TMEM132B: variants seen among roughly 807,000 people sequenced by gnomAD.
TMEM132B encodes the protein transmembrane protein 132B.
A neutral mutation model predicts 90.8 loss-of-function variants in TMEM132B; 18 were observed. That is an observed-to-expected ratio of 0.20 (90% CI 0.14 to 0.29). TMEM132B has a LOEUF of 0.29. Among genes scored for constraint, TMEM132B ranks in the 10% least tolerant of loss-of-function variants. The probability of loss-of-function intolerance (pLI) is 1.00; values close to 1 mark genes in which losing one functional copy is unlikely to be tolerated. For missense variants in TMEM132B, 1,096 were observed against 1,326.8 expected (o/e 0.83, Z 2.70); for synonymous variants, 504 against 523.3 (o/e 0.96, Z 0.50).
At chr12:125,192,991 G>A (rs895129576) in intron 1 of TMEM132B, among the ~76,000 whole-genome samples, 4 of 152,136 alleles carry the variant, frequency 2.6e-5, no homozygotes, top group South Asian at 2.1e-4. Context: ...AAACAACAAC[G>A]GCGTGCTGAT....
chr12:125,550,512 T>G (rs1338273638), intron 4 of TMEM132B, among the ~76,000 whole-genome samples: 1 of 152,208 alleles, frequency 6.6e-6, no homozygotes, highest in Non-Finnish European at 1.5e-5. Flanking sequence ...CATAGATAGT[T>G]AGGTACTAAC....
At chr12:125,639,144 C>CA (rs569803909) in intron 5 of TMEM132B, among the ~76,000 whole-genome samples, 1 of 152,260 alleles carries the variant, frequency 6.6e-6, no homozygotes, top group South Asian at 2.1e-4. Flanking sequence ...GTCATCCTGT[C>CA]ATCTCCCCAC....
chr12:125,439,208 G>A (rs1252650444), intron 3 of TMEM132B, among the ~76,000 whole-genome samples: 1 of 151,920 alleles, frequency 6.6e-6, no homozygotes, highest in Admixed American at 6.6e-5. Flanking sequence ...GAAGAATGTG[G>A]TTTGATAGGA....
At chr12:125,324,705 C>T (rs1876515829) in intron 1 of TMEM132B, among the ~76,000 whole-genome samples, 1 of 152,202 alleles carries the variant, frequency 6.6e-6, no homozygotes, top group Non-Finnish European at 1.5e-5. Context: ...GAAACAGTTT[C>T]ATCCTGAAAC....
At chr12:125,322,448 A>G (rs1345299116) in intron 1 of TMEM132B, among the ~76,000 whole-genome samples, 2 of 152,238 alleles carry the variant, frequency 1.3e-5, no homozygotes, top group Admixed American at 1.3e-4. Flanking sequence ...CTACACATGT[A>G]TGTGAATATC....
intron 4 of TMEM132B, among the ~76,000 whole-genome samples, chr12:125,531,458 G>C (rs1195147729): frequency 6.6e-6 from 1 of 152,100 alleles, no homozygotes. Flanking sequence ...CAAAGTGCTG[G>C]GATTACAGGA....
Position 125,415,755 on chromosome 12 carries a change from T to C in TMEM132B, c.1106+78T>C. On this transcript the variant is annotated intron_variant, in intron 3 of 8. Coordinates refer to ENST00000682704, the MANE Select transcript of TMEM132B (RefSeq NM_001366854.1). The surrounding 1 kb of genome is among the most constrained non-coding windows in gnomAD (Gnocchi z 5.3). Reference sequence around the variant, plus strand: ...TGCCAGAGCTGATAGCAAAATAATGTGCGTGTGGATAAAGCGATGCCTCTG... The same window carrying C: ...TGCCAGAGCTGATAGCAAAATAATGCGCGTGTGGATAAAGCGATGCCTCTG... 6.5e-7 allele frequency: 1 copy of C among 1,547,076 alleles called. No individual in the cohort carries two copies. Among genetic ancestry groups the C allele is most frequent in the East Asian group, 2.3e-5 (1 of 43,738 alleles).
chr12:125,366,967 A>G (rs1878153612), intron 2 of TMEM132B, among the ~76,000 whole-genome samples: 2 of 151,956 alleles, frequency 1.3e-5, no homozygotes, highest in African/African-American at 2.4e-5. Context: ...CACCAGTGCA[A>G]TTTTACTTTT....
Position 125,349,966 on chromosome 12 carries a change from G to C in TMEM132B, c.582G>C (p.Leu194=), listed in dbSNP as rs959051379. 1.2e-6 allele frequency: 2 copies of C among 1,614,060 alleles called. No homozygotes were observed. The highest frequency in any genetic ancestry group is 2.7e-5 in the African/African-American group (2 of 74,944). ...APGLCVAELE[L]LPEWFSSGLD... is the part of the protein sequence containing the mutation. ...GGCTGTGTGTGGCTGAGCTGGAGCT[G>C]CTGCCCGAGTGGTTCAGCTCAGGCC... The change falls in exon 2 of 9, where the codon CTG becomes CTC. Residue 194 remains leucine (L), a synonymous_variant. Transcript: ENST00000682704. This position sits in a 1 kb window ranked among gnomAD's most constrained non-coding sequence, Gnocchi z 4.1.
At chr12:125,503,227 C>T (rs890354517) in intron 3 of TMEM132B, among the ~76,000 whole-genome samples, 1 of 152,226 alleles carries the variant, frequency 6.6e-6, no homozygotes, top group African/African-American at 2.4e-5. Context: ...CCCCTCCCCT[C>T]CCCGGGCTGT....
At chr12:125,393,352 T>C (rs767459548) in intron 2 of TMEM132B, among the ~76,000 whole-genome samples, 2 of 152,144 alleles carry the variant, frequency 1.3e-5, no homozygotes, top group Non-Finnish European at 2.9e-5. Flanking sequence ...ACAACCACAA[T>C]GTATATGAAA....
rs1424090680 is a variant in TMEM132B at position 125,549,142 on chromosome 12, G to T, written c.1293+29517G>T. ...ACATCTGAAAATGTCACTTCATAGG[G>T]CAGACTTTGTCAGCTGTTGTGATGT... is the stretch of plus-strand genomic sequence containing the variant. On this transcript the variant is annotated intron_variant, in intron 4 of 8. Coordinates refer to ENST00000682704, the MANE Select transcript of TMEM132B (RefSeq NM_001366854.1). Among the ~76,000 whole-genome samples the T allele has an allele frequency of 3.3e-5, 5 of 152,218 alleles. No individual in the cohort carries two copies. The East Asian group carries it at 5.8e-4, about 18-fold the overall frequency.
At chr12:125,594,004 G>A (rs973399858) in intron 5 of TMEM132B, among the ~76,000 whole-genome samples, 2 of 152,120 alleles carry the variant, frequency 1.3e-5, no homozygotes, top group Non-Finnish European at 2.9e-5. Context: ...TCAAAATAGT[G>A]AACATATCCT....
At position 125,541,989 on chromosome 12, in the gene TMEM132B, C is replaced by CACTT. The variant is rs1280881523; in HGVS notation, c.1293+22365_1293+22368dup. Among the ~76,000 whole-genome samples the CACTT allele has an allele frequency of 3.1e-5, 4 of 128,662 alleles. No individual in the cohort carries two copies. The East Asian group carries it at 7.9e-4, about 25-fold the overall frequency. 84.4% of individuals were successfully genotyped at this position (128,662 alleles called of 152,430 possible). A position where few individuals can be genotyped will look rare whatever the true frequency, so the allele number is the denominator to read the frequency against. On this transcript the variant is annotated intron_variant, in intron 4 of 8. Transcript: ENST00000682704. ...GCAGTGAGCTGAGATCGCACCACTACACTTCAGCCTGGGCGACAGAGCAAA... is the reference window on the plus strand; with the variant it reads ...GCAGTGAGCTGAGATCGCACCACTACACTTACTTCAGCCTGGGCGACAGAGCAAA...
intron 2 of TMEM132B, among the ~76,000 whole-genome samples, chr12:125,376,521 G>T (rs1397584381): frequency 6.6e-6 from 1 of 152,212 alleles, no homozygotes; most frequent in Non-Finnish European, 1.5e-5. Flanking sequence ...CTCCTGCCCA[G>T]CAGCTCCTCC....
Position 125,350,210 on chromosome 12 carries a change from C to A in TMEM132B, c.826C>A (p.Leu276Met). The change falls in exon 2 of 9, where the codon CTG becomes ATG. Residue 276 changes from leucine (L) to methionine (M), a missense_variant. By Grantham distance (15) the Leu-to-Met change is conservative. Coordinates refer to ENST00000682704, the MANE Select transcript of TMEM132B (RefSeq NM_001366854.1). ...SVVVYPTQDDLKWSLVSLDEN... is the reference protein window; with the variant it reads ...SVVVYPTQDDMKWSLVSLDEN... ...GGTGGTCTACCCAACCCAAGATGAT[C>A]TGAAGTGGTCCCTGGTGAGCTTGGA... 1 of 1,614,142 alleles carries A rather than the reference C, an allele frequency of 6.2e-7. No individual in the cohort carries two copies. Among genetic ancestry groups the A allele is most frequent in the Non-Finnish European group, 8.5e-7 (1 of 1,180,034 alleles).
chr12:125,519,440 G>C lies in TMEM132B; in HGVS notation c.1108G>C (p.Val370Leu). ...MGHRPDTQSR[V>L]NGSFYEILQV... is the part of the protein sequence containing the mutation. ...CCTTAATATGTGTTTGTTTTCCAGG[G>C]TAAATGGATCCTTCTATGAGATCTT... is the stretch of plus-strand genomic sequence containing the variant. Residue 370 changes from valine to leucine, a missense_variant and splice_region_variant, in exon 4 of 9, where the codon GTA becomes CTA. By Grantham distance (32) the Val-to-Leu change is conservative (BLOSUM62 1). Coordinates refer to ENST00000682704, the MANE Select transcript of TMEM132B (RefSeq NM_001366854.1). The C allele has an allele frequency of 1.9e-6, 3 of 1,604,550 alleles. No individual in the cohort carries two copies. The highest frequency in any genetic ancestry group is 2.6e-6 in the Non-Finnish European group (3 of 1,174,154).
intron 1 of TMEM132B, among the ~76,000 whole-genome samples, chr12:125,194,604 T>C (rs1325230918): frequency 6.6e-6 from 1 of 152,108 alleles, no homozygotes; most frequent in Non-Finnish European, 1.5e-5. Flanking sequence ...CCGACGTATT[T>C]ATGTCTTTGG....
chr12:125,196,243 T>A (rs1028189483), intron 1 of TMEM132B, among the ~76,000 whole-genome samples: 2 of 152,238 alleles, frequency 1.3e-5, no homozygotes, highest in African/African-American at 4.8e-5. Flanking sequence ...TACTATGTGC[T>A]CATTACTGTA....
Sources: gnomAD v4.1 joint callset for allele counts (sites outside exome capture counted in the v4.1 genomes callset) on GRCh38, gnomAD v4.1.1 for gene constraint, Gnocchi (gnomAD v3.1) non-coding constraint, MANE v1.5 for transcripts, NCBI Gene and HGNC (gene_info 2026-07-23, HGNC 2026-07-21) for gene names.